Variants in LINGO2 observed in about 807,000 individuals in gnomAD.
The protein encoded by LINGO2 is leucine rich repeat and Ig domain containing 2.
In LINGO2, 14 loss-of-function variants were observed where a neutral mutation model predicts 30.6. The ratio of observed to expected loss-of-function variants is 0.46; its 90% CI spans 0.30 to 0.72. The LOEUF is 0.72. LINGO2 is among the 30% of genes least tolerant of loss of function. The pLI, the probability that LINGO2 is intolerant of heterozygous loss-of-function variation, is 0.07. For missense variants in LINGO2, 729 were observed against 751.7 expected (o/e 0.97, Z 0.35); for synonymous variants, 317 against 288.5 (o/e 1.10, Z -1.00).
intron 1 of LINGO2, among the ~76,000 whole-genome samples, chr9:28,525,674 C>A (rs1210406089): frequency 1.3e-5 from 2 of 152,066 alleles, no homozygotes; most frequent in Non-Finnish European, 2.9e-5. Context: ...GTGAGGGAGG[C>A]AACAGAGTGA....
chr9:29,121,322 A>T, the LINGO2 span, among the ~76,000 whole-genome samples: 1 of 152,164 alleles, frequency 6.6e-6, no homozygotes, highest in Admixed American at 6.6e-5. Context: ...TAAAATTCCC[A>T]GAAGAAATAT....
the LINGO2 span, among the ~76,000 whole-genome samples, chr9:28,952,996 G>T: frequency 1.3e-5 from 2 of 152,212 alleles, no homozygotes; most frequent in East Asian, 3.9e-4. Flanking sequence ...CATTGGCATA[G>T]AATAACTCTC....
intron 4 of LINGO2, among the ~76,000 whole-genome samples, chr9:28,068,721 A>G (rs1039372142): frequency 2.0e-5 from 3 of 152,182 alleles, no homozygotes; most frequent in Admixed American, 2.0e-4. Context: ...CATCTTACAT[A>G]TCAGGAAGTG....
In LINGO2 at chr9:28,031,353, G is replaced by GTT. The variant is rs141386644; in HGVS notation, c.-86-18950_-86-18949dup. ...CCCACTTCAGTAGAAAAACAGGATG[G>GTT]TTTTTTTTTTTTTTTACAATTTTTA... is the stretch of plus-strand genomic sequence containing the variant. On this transcript the variant is annotated intron_variant, in intron 4 of 5. Transcript: ENST00000379992. 3.5e-3 allele frequency among the ~76,000 whole-genome samples: 476 copies of GTT among 135,346 alleles called. 1 individual carries two copies. Among genetic ancestry groups the GTT allele is most frequent in the Middle Eastern group, 0.015 (4 of 264 alleles). The allele number at this position is 135,346 out of a possible 152,430, so 88.8% of individuals were successfully genotyped here. A position where few individuals can be genotyped will look rare whatever the true frequency, so the allele number is the denominator to read the frequency against.
intron 4 of LINGO2, among the ~76,000 whole-genome samples, chr9:28,122,621 G>C (rs990343486): frequency 5.3e-5 from 8 of 152,142 alleles, no homozygotes; most frequent in African/African-American, 1.9e-4. Flanking sequence ...CAGTATGAAA[G>C]TTGTACAATC....
chr9:29,017,001 G>A, the LINGO2 span, among the ~76,000 whole-genome samples: 1 of 152,054 alleles, frequency 6.6e-6, no homozygotes, highest in African/African-American at 2.4e-5. Flanking sequence ...AAACATTTCT[G>A]ATGCCTTCAC....
the LINGO2 span, among the ~76,000 whole-genome samples, chr9:28,719,011 C>A: frequency 1.3e-5 from 2 of 152,000 alleles, no homozygotes; most frequent in Admixed American, 1.3e-4. Context: ...CAACTCCCAC[C>A]TTTAGCAAAC....
the LINGO2 span, among the ~76,000 whole-genome samples, chr9:29,191,392 T>C: frequency 6.6e-6 from 1 of 152,296 alleles, no homozygotes; most frequent in East Asian, 1.9e-4. Context: ...AAACTTGAGC[T>C]ATATTTTCAG....
At chr9:28,033,289 A>G (rs980159842) in intron 4 of LINGO2, among the ~76,000 whole-genome samples, 35 of 152,212 alleles carry the variant, frequency 2.3e-4, no homozygotes, top group African/African-American at 8.0e-4. Flanking sequence ...TCCAGAGTCA[A>G]AAGAAGCTCA....
At chr9:27,985,238 T>C (rs1316194675) in intron 5 of LINGO2, among the ~76,000 whole-genome samples, 2 of 151,922 alleles carry the variant, frequency 1.3e-5, no homozygotes, top group Non-Finnish European at 2.9e-5. Context: ...TGTATTTTTC[T>C]TCCACTTATT....
the LINGO2 span, among the ~76,000 whole-genome samples, chr9:29,084,726 G>A: frequency 6.6e-6 from 1 of 151,910 alleles, no homozygotes; most frequent in South Asian, 2.1e-4. Context: ...TTTAAGAGCT[G>A]TTCTTACTCT....
At chr9:29,059,249 C>T in the LINGO2 span, among the ~76,000 whole-genome samples, 6 of 151,668 alleles carry the variant, frequency 4.0e-5, no homozygotes, top group African/African-American at 1.2e-4. Flanking sequence ...TCCTAGCAGG[C>T]TTTTTTAAAA....
At chr9:28,465,367 T>A (rs890410039) in intron 2 of LINGO2, among the ~76,000 whole-genome samples, 1 of 152,210 alleles carries the variant, frequency 6.6e-6, no homozygotes, top group Non-Finnish European at 1.5e-5. Flanking sequence ...TTGTCTCTGA[T>A]GTCCAGCTGC....
At chr9:29,047,647 AG>A in the LINGO2 span, among the ~76,000 whole-genome samples, 2 of 152,188 alleles carry the variant, frequency 1.3e-5, no homozygotes, top group Admixed American at 6.5e-5. Context: ...AATGATATAA[AG>A]GGCTTCCAAA....
chr9:28,890,391 T>C, the LINGO2 span, among the ~76,000 whole-genome samples: 4 of 152,052 alleles, frequency 2.6e-5, no homozygotes, highest in Non-Finnish European at 4.4e-5. Flanking sequence ...TACACACTTG[T>C]GTACCAGGGG....
the LINGO2 span, among the ~76,000 whole-genome samples, chr9:29,199,278 C>T: frequency 2.8e-4 from 43 of 152,166 alleles, no homozygotes; most frequent in Non-Finnish European, 5.7e-4. Flanking sequence ...GGTTAAATGC[C>T]CTGCCCAACC....
chr9:28,067,554 A>G (rs1825351669), intron 4 of LINGO2, among the ~76,000 whole-genome samples: 1 of 152,158 alleles, frequency 6.6e-6, no homozygotes, highest in Non-Finnish European at 1.5e-5. Context: ...CGGACGATGT[A>G]CTTTGCCTCT....
chr9:28,060,930 G>A (rs1360538460), intron 4 of LINGO2, among the ~76,000 whole-genome samples: 1 of 151,770 alleles, frequency 6.6e-6, no homozygotes, highest in African/African-American at 2.4e-5. Context: ...CTTCTTATAG[G>A]AACACTAACC....
At chr9:28,355,799 G>C (rs1438871768) in intron 3 of LINGO2, among the ~76,000 whole-genome samples, 1 of 148,934 alleles carries the variant, frequency 6.7e-6, no homozygotes, top group Non-Finnish European at 1.5e-5. Flanking sequence ...CTTGCATTAA[G>C]GTATCTGTAT....
Sources: gnomAD v4.1 joint callset for allele counts (sites outside exome capture counted in the v4.1 genomes callset) on GRCh38, gnomAD v4.1.1 for gene constraint, MANE v1.5 for transcripts, NCBI Gene and HGNC (gene_info 2026-07-23, HGNC 2026-07-21) for gene names.